SLC35F4: variants seen among roughly 807,000 people sequenced by gnomAD.
SLC35F4 encodes solute carrier family 35 member F4, also known as chromosome 14 open reading frame 36.
A neutral mutation model predicts 44.2 loss-of-function variants in SLC35F4; 24 were observed. The observed-to-expected ratio is 0.54, with a 90% CI of 0.39 to 0.76. The LOEUF is 0.76. Among genes scored for constraint, SLC35F4 ranks in the 30% least tolerant of loss-of-function variants. The probability of loss-of-function intolerance (pLI) is 0.00; values close to 1 mark genes in which losing one functional copy is unlikely to be tolerated. For synonymous variants in SLC35F4, 238 were observed against 223.6 expected (o/e 1.06, Z -0.57); for missense variants, 562 against 586.1 (o/e 0.96, Z 0.42).
At chr14:57,602,712 G>T (rs1429342103) in intron 1 of SLC35F4, among the ~76,000 whole-genome samples, 1 of 152,160 alleles carries the variant, frequency 6.6e-6, no homozygotes. Flanking sequence ...TGCCAGAGGA[G>T]CTCCACTGTT....
chr14:57,975,178 T>A (rs1486933625), downstream of SLC35F4, among the ~76,000 whole-genome samples: 1 of 152,198 alleles, frequency 6.6e-6, no homozygotes, highest in Non-Finnish European at 1.5e-5. Context: ...CACTGACCAC[T>A]TTTCTTGCAA....
intron 1 of SLC35F4, among the ~76,000 whole-genome samples, chr14:57,775,244 G>T (rs571107016): frequency 7.2e-5 from 11 of 152,322 alleles, no homozygotes; most frequent in Non-Finnish European, 1.3e-4. Flanking sequence ...CCTGCATGGA[G>T]GCCAGAACCC....
chr14:57,592,561 G>A (rs2070256732), intron 2 of SLC35F4, among the ~76,000 whole-genome samples: 1 of 152,132 alleles, frequency 6.6e-6, no homozygotes, highest in East Asian at 1.9e-4. Context: ...ATTTTGTTTT[G>A]CAAACAACTG....
At chr14:57,859,012 G>A (rs1395281466) in intron 1 of SLC35F4, among the ~76,000 whole-genome samples, 1 of 152,018 alleles carries the variant, frequency 6.6e-6, no homozygotes, top group Non-Finnish European at 1.5e-5. Flanking sequence ...GGCTGAGGTG[G>A]GAGGATGGCT....
chr14:57,931,034 A>G (rs938811238), intron 1 of SLC35F4, among the ~76,000 whole-genome samples: 3 of 152,236 alleles, frequency 2.0e-5, no homozygotes, highest in Non-Finnish European at 4.4e-5. Context: ...ATTAAAGTGT[A>G]GATAATATTA....
chr14:57,710,061 G>C (rs533533157), intron 1 of SLC35F4, among the ~76,000 whole-genome samples: 1 of 152,222 alleles, frequency 6.6e-6, no homozygotes, highest in Non-Finnish European at 1.5e-5. Flanking sequence ...GAGACCTTTA[G>C]AGCAGGCCCT....
chr14:57,582,276 A>G (rs955466300), intron 3 of SLC35F4, among the ~76,000 whole-genome samples: 4 of 151,764 alleles, frequency 2.6e-5, no homozygotes, highest in African/African-American at 9.7e-5. Context: ...GCTCACTGCA[A>G]CCTCCGCCTC....
At chr14:57,810,540 C>T (rs935309564) in intron 1 of SLC35F4, among the ~76,000 whole-genome samples, 1 of 152,222 alleles carries the variant, frequency 6.6e-6, no homozygotes, top group Admixed American at 6.5e-5. Flanking sequence ...CCTCTCTTCT[C>T]ACCGTCCTCA....
At chr14:57,760,320 T>C (rs1320824376) in intron 1 of SLC35F4, among the ~76,000 whole-genome samples, 1 of 152,214 alleles carries the variant, frequency 6.6e-6, no homozygotes, top group Non-Finnish European at 1.5e-5. Flanking sequence ...GGCACCCTTT[T>C]TGAGAATAAG....
At chr14:57,972,890 T>G (rs1881095147), downstream of SLC35F4, among the ~76,000 whole-genome samples, 1 of 152,266 alleles carries the variant, frequency 6.6e-6, no homozygotes, top group Admixed American at 6.5e-5. Flanking sequence ...GCCTTTGACA[T>G]GGACATGGAA....
At chr14:57,589,756 G>A (rs373988059) in intron 2 of SLC35F4, among the ~76,000 whole-genome samples, 7 of 152,158 alleles carry the variant, frequency 4.6e-5, no homozygotes, top group Non-Finnish European at 7.3e-5. Flanking sequence ...TTGCTCATGC[G>A]GATGTTATGC....
intron 1 of SLC35F4, among the ~76,000 whole-genome samples, chr14:57,890,330 G>T (rs911851690): frequency 1.3e-5 from 2 of 152,112 alleles, no homozygotes; most frequent in Non-Finnish European, 2.9e-5. Context: ...AGACCCAAGA[G>T]GGTTGAAAAT....
intron 1 of SLC35F4, among the ~76,000 whole-genome samples, chr14:57,745,247 C>T (rs1362118153): frequency 6.6e-6 from 1 of 152,148 alleles, no homozygotes; most frequent in Non-Finnish European, 1.5e-5. Context: ...TCTAATGAAA[C>T]TAAACAGCTT....
chr14:57,676,692 C>A (rs976100970), intron 1 of SLC35F4, among the ~76,000 whole-genome samples: 1 of 151,956 alleles, frequency 6.6e-6, no homozygotes, highest in Non-Finnish European at 1.5e-5. Flanking sequence ...CAGGGAAATT[C>A]AAATTAAAAC....
Position 57,742,576 on chromosome 14 carries a change from G to A in SLC35F4, c.103+123147C>T, listed in dbSNP as rs2076640473. Among the ~76,000 whole-genome samples the A allele has an allele frequency of 2.0e-5, 3 of 152,134 alleles. No individual in the cohort carries two copies. In the South Asian group the frequency reaches 6.2e-4, roughly 32 times the overall value. ...AGAAGCACCCAGATTCATAAAGCAA[G>A]TTCTTAGAGACGTACAAAGAGACTA... On this transcript the variant is annotated intron_variant, in intron 1 of 7. Coordinates refer to ENST00000556826, the MANE Select transcript of SLC35F4 (RefSeq NM_001306087.2).
In SLC35F4 at chr14:57,676,621, C is replaced by A. The variant is rs185063524; in HGVS notation, c.104-82497G>T. ...AGGCAAAGGATATGAATAGACAATT[C>A]TCAAAAGAAGATATAAAAACAGCCA... On this transcript the variant is annotated intron_variant, in intron 1 of 7. Transcript: ENST00000556826. 2.1e-3 allele frequency among the ~76,000 whole-genome samples: 322 copies of A among 152,086 alleles called. 3 individuals are homozygous for A. The highest frequency in any genetic ancestry group is 7.3e-3 in the African/African-American group (304 of 41,428).
intron 1 of SLC35F4, among the ~76,000 whole-genome samples, chr14:57,784,431 T>C (rs1429593086): frequency 6.6e-6 from 1 of 152,134 alleles, no homozygotes; most frequent in Non-Finnish European, 1.5e-5. Flanking sequence ...TGCCTGTAAT[T>C]ACAACACTTT....
chr14:57,756,521 T>C (rs983688046), intron 1 of SLC35F4, among the ~76,000 whole-genome samples: 1 of 152,038 alleles, frequency 6.6e-6, no homozygotes, highest in Non-Finnish European at 1.5e-5. Flanking sequence ...GTAAATATTC[T>C]GTGTGTTTTC....
At chr14:57,978,943 G>T (rs1013467316) in intron 1 of SLC35F4, among the ~76,000 whole-genome samples, 3 of 152,202 alleles carry the variant, frequency 2.0e-5, no homozygotes, top group African/African-American at 7.2e-5. Context: ...GAAAGAGCAA[G>T]GTTGCTACCA....
Sources: allele counts gnomAD v4.1 joint callset (sites outside exome capture counted in the v4.1 genomes callset), GRCh38; gene constraint gnomAD v4.1.1; transcripts MANE v1.5; gene names NCBI Gene and HGNC (gene_info 2026-07-23, HGNC 2026-07-21).